The following NBEA variants were observed in gnomAD, a reference collection of about 807,000 sequenced individuals.
The protein encoded by NBEA is lysosomal-trafficking regulator 2.
In NBEA, 44 loss-of-function variants were observed where a neutral mutation model predicts 343.4. The observed-to-expected ratio is 0.13, with a 90% CI of 0.10 to 0.16. The LOEUF (loss-of-function observed/expected upper bound fraction) is 0.16, where lower values mean the gene tolerates loss of function less well. Ranked by LOEUF, NBEA falls within the 10% of genes least tolerant of loss-of-function variation. The pLI is 1.00. For synonymous variants in NBEA, 1,175 were observed against 1,238.7 expected (o/e 0.95, Z 1.08); for missense variants, 2,555 against 3,631.3 (o/e 0.70, Z 7.62).
chr13:35,232,731 C>G, intron 34 of NBEA, 112 bp downstream of exon 34: 1 of 787,438 alleles, frequency 1.3e-6, no homozygotes, highest in Admixed American at 4.0e-5. Context: ...AAAGGCATTA[C>G]TTCACAAATT....
Position 35,286,899 on chromosome 13 carries a change from A to G in NBEA, c.5777-3490A>G, listed in dbSNP as rs568186357. Among the ~76,000 whole-genome samples, 4 of 152,110 alleles carry G rather than the reference A, an allele frequency of 2.6e-5. No homozygotes were observed. In the South Asian group the frequency reaches 8.3e-4, roughly 32 times the overall value. On this transcript the variant is annotated intron_variant, in intron 34 of 58. Transcript: ENST00000379939. ...AAAGAACTGCCAGTTTTTTTGGATA[A>G]TGGTTTACTCAGCTATATCTGTTTT...
At chr13:35,098,764 T>C (rs1012534674) in intron 11 of NBEA, among the ~76,000 whole-genome samples, 2 of 152,100 alleles carry the variant, frequency 1.3e-5, no homozygotes, top group Non-Finnish European at 2.9e-5. Flanking sequence ...GAATAAACCA[T>C]TTATAACTTT....
At chr13:35,526,089 A>C (rs979341758) in intron 41 of NBEA, among the ~76,000 whole-genome samples, 3 of 152,174 alleles carry the variant, frequency 2.0e-5, no homozygotes, top group African/African-American at 7.2e-5. Context: ...TCGTTGGTAA[A>C]ATGGGGATAC....
chr13:35,153,958 A>G (rs539771890), intron 18 of NBEA, among the ~76,000 whole-genome samples: 1 of 152,300 alleles, frequency 6.6e-6, no homozygotes, highest in South Asian at 2.1e-4. Flanking sequence ...TCTTTAGTAT[A>G]TGGTTTTCAA....
intron 10 of NBEA, among the ~76,000 whole-genome samples, chr13:35,082,013 C>G (rs1056515918): frequency 6.6e-6 from 1 of 152,046 alleles, no homozygotes; most frequent in African/African-American, 2.4e-5. Flanking sequence ...GTGTGCTGCA[C>G]CCATTAACTC....
intron 34 of NBEA, among the ~76,000 whole-genome samples, chr13:35,280,189 T>C (rs1448054943): frequency 6.6e-6 from 1 of 152,148 alleles, no homozygotes; most frequent in Non-Finnish European, 1.5e-5. Flanking sequence ...ATTAAACATA[T>C]ATTTTAGCTT....
At chr13:35,296,255 C>T (rs2036121319) in intron 35 of NBEA, among the ~76,000 whole-genome samples, 1 of 151,864 alleles carries the variant, frequency 6.6e-6, no homozygotes, top group African/African-American at 2.4e-5. Context: ...GTGGTGGGCA[C>T]CTGTAGTCCC....
At chr13:35,335,614 A>C (rs2039204843) in intron 36 of NBEA, among the ~76,000 whole-genome samples, 1 of 152,112 alleles carries the variant, frequency 6.6e-6, no homozygotes, top group South Asian at 2.1e-4. Flanking sequence ...ACAGTATTTT[A>C]GACTTATGAT....
intron 36 of NBEA, among the ~76,000 whole-genome samples, chr13:35,313,443 A>G (rs2037504232): frequency 1.3e-5 from 2 of 152,224 alleles, no homozygotes; most frequent in South Asian, 4.1e-4. Context: ...GCCCTGTTAA[A>G]TGAATATTTA....
intron 41 of NBEA, among the ~76,000 whole-genome samples, chr13:35,509,305 CAGGGAAGGCACCATGAGTCAGG>C (rs2077185235): frequency 6.6e-6 from 1 of 152,006 alleles, no homozygotes; most frequent in South Asian, 2.1e-4. Flanking sequence ...AGATCCTGGG[CAGGGAAGGCACCATGAGTCAGG>C]AGGGAAGTTC....
At chr13:35,413,799 TATG>T (rs1267690310) in intron 38 of NBEA, among the ~76,000 whole-genome samples, 1 of 152,126 alleles carries the variant, frequency 6.6e-6, no homozygotes, top group Admixed American at 6.6e-5. Context: ...AAAATATACA[TATG>T]ATGCTCAATG....
chr13:35,608,527 C>T (rs966232550), intron 48 of NBEA, among the ~76,000 whole-genome samples: 2 of 152,148 alleles, frequency 1.3e-5, no homozygotes, highest in African/African-American at 4.8e-5. Context: ...TCAGTCACAT[C>T]ATTCCATTGT....
intron 34 of NBEA, among the ~76,000 whole-genome samples, chr13:35,262,236 GCAAAATAGTAGC>G (rs2033272843): frequency 1.3e-5 from 2 of 152,328 alleles, no homozygotes; most frequent in South Asian, 4.1e-4. Flanking sequence ...CTTTGAGAAT[GCAAAATAGTAGC>G]CATAGAGGAA....
rs371995725 is a variant in NBEA, at chr13:35,118,280, C to T, written c.2135C>T (p.Thr712Met). The T allele has an allele frequency of 2.5e-5, 39 of 1,564,590 alleles. No homozygotes were observed. Among genetic ancestry groups the T allele is most frequent in the Admixed American group, 1.5e-4 (8 of 54,062 alleles). The change falls in exon 15 of 59, where the codon ACG (threonine) becomes ATG (methionine). Residue 712 changes from threonine to methionine, a missense_variant. By Grantham distance (81) the Thr-to-Met change is moderately conservative. Transcript: ENST00000379939. ...ELQSILNYLLTMHEDENIHDV... is the reference protein window; with the variant it reads ...ELQSILNYLLMMHEDENIHDV... ...CAGAGTATATTAAATTACCTACTTACGATGCATGAGGTAGGACATGTTATG... is the reference window on the plus strand; with the variant it reads ...CAGAGTATATTAAATTACCTACTTATGATGCATGAGGTAGGACATGTTATG...
chr13:35,145,531 T>C (rs2068367169), intron 18 of NBEA, among the ~76,000 whole-genome samples: 2 of 152,166 alleles, frequency 1.3e-5, no homozygotes, highest in African/African-American at 4.8e-5. Flanking sequence ...GGCTTCCCTT[T>C]CTGGCTCTAG....
chr13:34,987,402 C>T (rs1346185261), intron 1 of NBEA, among the ~76,000 whole-genome samples: 1 of 150,910 alleles, frequency 6.6e-6, no homozygotes, highest in African/African-American at 2.4e-5. Context: ...GGTAACCCGA[C>T]CTTTCTCTCT....
chr13:35,326,697 G>A (rs2038584348), intron 36 of NBEA, among the ~76,000 whole-genome samples: 1 of 151,918 alleles, frequency 6.6e-6, no homozygotes, highest in Non-Finnish European at 1.5e-5. Context: ...TTAAGAGTGA[G>A]CATTCATGTC....
chr13:35,496,932 T>G (rs2076704212), intron 41 of NBEA, among the ~76,000 whole-genome samples: 1 of 152,020 alleles, frequency 6.6e-6, no homozygotes, highest in African/African-American at 2.4e-5. Context: ...ACAACTTCCT[T>G]ATGGTTTGGA....
At chr13:34,981,281 T>A (rs2060347374) in intron 1 of NBEA, among the ~76,000 whole-genome samples, 1 of 152,208 alleles carries the variant, frequency 6.6e-6, no homozygotes, top group African/African-American at 2.4e-5. Flanking sequence ...AGTTTGATTA[T>A]CCATTTACCA....
Sources: gnomAD v4.1 joint callset for allele counts (sites outside exome capture counted in the v4.1 genomes callset) on GRCh38, gnomAD v4.1.1 for gene constraint, MANE v1.5 for transcripts, NCBI Gene and HGNC (gene_info 2026-07-23, HGNC 2026-07-21) for gene names.